Variants in WSCD2 observed in about 807,000 individuals in gnomAD.
WSCD2 encodes sialate:O-sulfotransferase 2.
Under a neutral mutation model 55.7 loss-of-function variants are expected in WSCD2, and 28 were observed. The ratio of observed to expected loss-of-function variants is 0.50; its 90% CI spans 0.37 to 0.69. WSCD2 has a LOEUF of 0.69. WSCD2 is among the 30% of genes least tolerant of loss of function. The probability of loss-of-function intolerance (pLI) is 0.00; values close to 1 mark genes in which losing one functional copy is unlikely to be tolerated. For missense variants in WSCD2, 616 were observed against 762.1 expected (o/e 0.81, Z 2.26); for synonymous variants, 301 against 301.9 (o/e 1.00, Z 0.03).
chr12:108,238,322 A>T (rs975456225), intron 7 of WSCD2, among the ~76,000 whole-genome samples: 2 of 152,224 alleles, frequency 1.3e-5, no homozygotes, highest in African/African-American at 4.8e-5. Flanking sequence ...TAACTTGGCA[A>T]GTCCCAGAAT....
chr12:108,139,358 G>A (rs916933519), intron 1 of WSCD2, among the ~76,000 whole-genome samples: 5 of 152,206 alleles, frequency 3.3e-5, no homozygotes, highest in African/African-American at 1.2e-4. Flanking sequence ...TTTTATGGAA[G>A]ACTCCCTCAC....
chr12:108,174,412 AT>A (rs1487310313), intron 1 of WSCD2, among the ~76,000 whole-genome samples: 1 of 152,128 alleles, frequency 6.6e-6, no homozygotes, highest in African/African-American at 2.4e-5. Flanking sequence ...CTTAGAGACA[AT>A]CATGGATTTT....
chr12:108,250,282 T>C lies in WSCD2; in HGVS notation c.*1939T>C, dbSNP rs992049319. The C allele has an allele frequency of 6.7e-6, 1 of 149,796 alleles. No individual in the cohort carries two copies. Among genetic ancestry groups the C allele is most frequent in the African/African-American group, 2.5e-5 (1 of 40,430 alleles). 9.3% of individuals were successfully genotyped at this position (149,796 alleles called of 1,614,324 possible). On this transcript the variant is annotated 3_prime_UTR_variant, in exon 9 of 9. Coordinates refer to ENST00000547525, the MANE Select transcript of WSCD2 (RefSeq NM_014653.4). The stretch of plus-strand genomic sequence containing the variant: ...CAGAGAGAGAGACAAGAAACAGAGA[T>C]AGACAGAAAATGTTCGGGGTGGCAG...
chr12:108,221,117 G>A (rs1245089596), intron 4 of WSCD2, among the ~76,000 whole-genome samples: 3 of 152,176 alleles, frequency 2.0e-5, no homozygotes, highest in Non-Finnish European at 2.9e-5. Flanking sequence ...AATTCAAGTG[G>A]AGTGGAAAGA....
chr12:108,208,872 C>A (rs1409222937), intron 3 of WSCD2, among the ~76,000 whole-genome samples: 1 of 152,196 alleles, frequency 6.6e-6, no homozygotes, highest in South Asian at 2.1e-4. Context: ...AGGGTCACTG[C>A]CCTCCTGGAT....
chr12:108,243,098 C>T (rs939399625), intron 8 of WSCD2, among the ~76,000 whole-genome samples: 2 of 152,248 alleles, frequency 1.3e-5, no homozygotes, highest in African/African-American at 4.8e-5. Context: ...CCTGGAGACA[C>T]TTGAGTTTGA....
At chr12:108,183,867 C>A (rs1474995200) in intron 1 of WSCD2, among the ~76,000 whole-genome samples, 1 of 152,220 alleles carries the variant, frequency 6.6e-6, no homozygotes, top group Non-Finnish European at 1.5e-5. Context: ...TGACTGACCT[C>A]TCCAGGCCTT....
chr12:108,151,589 CA>C (rs1206676715), intron 1 of WSCD2, among the ~76,000 whole-genome samples: 1 of 152,170 alleles, frequency 6.6e-6, no homozygotes, highest in Non-Finnish European at 1.5e-5. Flanking sequence ...GGGACTCGCC[CA>C]AGGTACACAG....
At chr12:108,234,207 C>T (rs1889064079) in intron 7 of WSCD2, among the ~76,000 whole-genome samples, 2 of 152,270 alleles carry the variant, frequency 1.3e-5, no homozygotes, top group South Asian at 4.2e-4. Flanking sequence ...TGTGTTGGGC[C>T]GCATTCAACG....
intron 1 of WSCD2, among the ~76,000 whole-genome samples, chr12:108,186,855 G>C (rs1332429065): frequency 2.0e-5 from 3 of 152,274 alleles, no homozygotes; most frequent in African/African-American, 7.2e-5. Context: ...CAAATGAAAA[G>C]TTTTCTCATT....
At chr12:108,219,733 G>A (rs1887262702) in intron 4 of WSCD2, among the ~76,000 whole-genome samples, 1 of 152,198 alleles carries the variant, frequency 6.6e-6, no homozygotes, top group Non-Finnish European at 1.5e-5. Flanking sequence ...ATAAGAGCTG[G>A]TGGGCTTGGG....
intron 2 of WSCD2, among the ~76,000 whole-genome samples, chr12:108,200,093 G>A (rs1185149356): frequency 2.0e-5 from 3 of 152,302 alleles, no homozygotes; most frequent in Admixed American, 6.5e-5. Flanking sequence ...CTATTTCCAT[G>A]AGATTACAGA....
At chr12:108,190,704 G>C (rs1465063720) in intron 1 of WSCD2, among the ~76,000 whole-genome samples, 1 of 152,124 alleles carries the variant, frequency 6.6e-6, no homozygotes, top group Non-Finnish European at 1.5e-5. Flanking sequence ...GGCTCCTGCT[G>C]GAAACATGAA....
chr12:108,180,769 G>A (rs757953380), intron 1 of WSCD2, among the ~76,000 whole-genome samples: 19 of 152,176 alleles, frequency 1.2e-4, no homozygotes, highest in Non-Finnish European at 2.4e-4. Flanking sequence ...TAATTTGCAG[G>A]GTGCAAGGCA....
chr12:108,164,161 T>TTTTTTTTTTTTTTTTTTTTTTG (rs1555224811), intron 1 of WSCD2, among the ~76,000 whole-genome samples: 4 of 146,086 alleles, frequency 2.7e-5, no homozygotes, highest in South Asian at 2.2e-4. Flanking sequence ...TTTTTTTTTT[T>TTTTTTTTTTTTTTTTTTTTTTG]TCAGAGAGGG....
chr12:108,173,564 C>A (rs1344803982), intron 1 of WSCD2, among the ~76,000 whole-genome samples: 2 of 151,824 alleles, frequency 1.3e-5, no homozygotes, highest in Non-Finnish European at 2.9e-5. Flanking sequence ...CAAGAGCAGC[C>A]TTGGTGGAGG....
intron 2 of WSCD2, among the ~76,000 whole-genome samples, chr12:108,202,630 C>T (rs1884845792): frequency 6.6e-6 from 1 of 152,198 alleles, no homozygotes; most frequent in South Asian, 2.1e-4. Context: ...CACGTTCTCA[C>T]TTATAAGTGG....
chr12:108,214,299 C>T (rs1886575784), intron 4 of WSCD2, among the ~76,000 whole-genome samples: 1 of 152,222 alleles, frequency 6.6e-6, no homozygotes, highest in Admixed American at 6.5e-5. Flanking sequence ...CTGCCTCGCA[C>T]AGGATGCCAG....
intron 8 of WSCD2, among the ~76,000 whole-genome samples, chr12:108,243,167 A>C (rs1191085943): frequency 6.6e-6 from 1 of 152,236 alleles, no homozygotes; most frequent in East Asian, 1.9e-4. Flanking sequence ...GCTTGTTGGA[A>C]ATGCTAAAAC....
Sources: allele counts gnomAD v4.1 joint callset (sites outside exome capture counted in the v4.1 genomes callset), GRCh38; gene constraint gnomAD v4.1.1; transcripts MANE v1.5; gene names NCBI Gene and HGNC (gene_info 2026-07-23, HGNC 2026-07-21).